Variants in ZDHHC18 observed in about 807,000 individuals in gnomAD.
ZDHHC18 encodes the protein zDHHC palmitoyltransferase 18, also known as palmitoyltransferase ZDHHC18.
ZDHHC18 carries 23 observed loss-of-function variants against 37.5 expected under a neutral mutation model. That is an observed-to-expected ratio of 0.61 (90% CI 0.44 to 0.87). ZDHHC18 has a LOEUF of 0.87. ZDHHC18 is among the 40% of genes least tolerant of loss of function. The pLI, the probability that ZDHHC18 is intolerant of heterozygous loss-of-function variation, is 0.00. For synonymous variants in ZDHHC18, 185 were observed against 218.7 expected (o/e 0.85, Z 1.36); for missense variants, 406 against 525.6 (o/e 0.77, Z 2.22).
Position 26,856,470 on chromosome 1 carries a change from T to C in ZDHHC18, c.*2627T>C, listed in dbSNP as rs1443780762. On this transcript the variant is annotated 3_prime_UTR_variant, in exon 8 of 8. Coordinates refer to ENST00000374142, the MANE Select transcript of ZDHHC18 (RefSeq NM_032283.3). The surrounding 1 kb of genome is among the most constrained non-coding windows in gnomAD (Gnocchi z 5.2). ...GGGCAAGGCTAAAAGCCCAGCCCCATTGTGGACTGAGGAAGTAGCTTCTCG... is the reference window on the plus strand; with the variant it reads ...GGGCAAGGCTAAAAGCCCAGCCCCACTGTGGACTGAGGAAGTAGCTTCTCG... The C allele has an allele frequency of 4.0e-6, 1 of 251,930 alleles. No homozygotes were observed. The highest frequency in any genetic ancestry group is 8.7e-6 in the Non-Finnish European group (1 of 115,012). 15.6% of individuals were successfully genotyped at this position (251,930 alleles called of 1,614,324 possible).
At position 26,856,223 on chromosome 1, in the gene ZDHHC18, C is replaced by A. The variant is rs147621735; in HGVS notation, c.*2380C>A. ...AGGATTTTGCCATCTCCTGCACAGC[C>A]TGAGGGGAGCTAACAGGCCTCTTTG... On this transcript the variant is annotated 3_prime_UTR_variant, in exon 8 of 8. Transcript: ENST00000374142. This position sits in a 1 kb window ranked among gnomAD's most constrained non-coding sequence, Gnocchi z 5.2. 2.2e-6 allele frequency: 1 copy of A among 453,534 alleles called. No homozygotes were observed. The highest frequency in any genetic ancestry group is 7.0e-5 in the East Asian group (1 of 14,264). 28.1% of individuals were successfully genotyped at this position (453,534 alleles called of 1,614,324 possible).
intron 2 of ZDHHC18, among the ~76,000 whole-genome samples, chr1:26,847,519 T>C (rs1215290864): frequency 6.6e-6 from 1 of 152,178 alleles, no homozygotes; most frequent in Non-Finnish European, 1.5e-5. Context: ...GCCTGTTTCG[T>C]AGTTTTTAAT....
intron 2 of ZDHHC18, among the ~76,000 whole-genome samples, chr1:26,837,456 G>T (rs1003705428): frequency 4.8e-4 from 69 of 143,202 alleles, no homozygotes; most frequent in African/African-American, 1.7e-3. Context: ...AATATATTAT[G>T]TATATTATTT....
At chr1:26,847,080 A>T (rs377527799) in intron 2 of ZDHHC18, among the ~76,000 whole-genome samples, 4 of 151,842 alleles carry the variant, frequency 2.6e-5, no homozygotes, top group African/African-American at 9.7e-5. Context: ...TATTTTTAGT[A>T]GAGACGGGGT....
At chr1:26,848,221 A>G (rs931938054) in intron 2 of ZDHHC18, among the ~76,000 whole-genome samples, 1 of 152,030 alleles carries the variant, frequency 6.6e-6, no homozygotes, top group Non-Finnish European at 1.5e-5. Flanking sequence ...CTGAGGCATG[A>G]GAATCGCTTG....
intron 1 of ZDHHC18, among the ~76,000 whole-genome samples, chr1:26,827,902 G>C (rs2081566271): frequency 6.6e-6 from 1 of 152,058 alleles, no homozygotes. Context: ...TGGCCCCCCT[G>C]CTGACCACCT....
intron 2 of ZDHHC18, among the ~76,000 whole-genome samples, chr1:26,840,547 T>G (rs2081632553): frequency 6.7e-6 from 1 of 149,304 alleles, no homozygotes; most frequent in Admixed American, 6.7e-5. Flanking sequence ...TTCAAGCGAT[T>G]CTTCCTGCCT....
chr1:26,828,051 T>G (rs1474346085), intron 1 of ZDHHC18, among the ~76,000 whole-genome samples: 1 of 152,140 alleles, frequency 6.6e-6, no homozygotes, highest in African/African-American at 2.4e-5. Context: ...CCCCTAGGTT[T>G]TTGTCCTCTT....
intron 2 of ZDHHC18, among the ~76,000 whole-genome samples, chr1:26,840,052 C>T (rs1335003565): frequency 6.6e-6 from 1 of 152,222 alleles, no homozygotes; most frequent in Non-Finnish European, 1.5e-5. Flanking sequence ...TACAGAGCTT[C>T]ATTTGCTCTT....
intron 1 of ZDHHC18, 25 bp from the exon 2 acceptor site, chr1:26,832,422 G>A (rs2081592253): frequency 6.2e-7 from 1 of 1,613,254 alleles, no homozygotes; most frequent in Admixed American, 1.7e-5. Flanking sequence ...GGTGTCTGCT[G>A]ATCTCTCTCC....
At chr1:26,839,304 T>A (rs2081627294) in intron 2 of ZDHHC18, among the ~76,000 whole-genome samples, 1 of 152,120 alleles carries the variant, frequency 6.6e-6, no homozygotes, top group Admixed American at 6.5e-5. Flanking sequence ...AGCCCTGGAG[T>A]AGATCTTAGA....
chr1:26,852,784 G>A lies in ZDHHC18; in HGVS notation c.968G>A (p.Gly323Asp), dbSNP rs1570677002. 2 of 1,614,096 alleles carry A rather than the reference G, an allele frequency of 1.2e-6. No individual in the cohort carries two copies. The highest frequency in any genetic ancestry group is 2.2e-5 in the South Asian group (2 of 91,086). Reference protein sequence around the residue: ...IKGSWSSKRGGEASVNPYSHK... With the variant: ...IKGSWSSKRGDEASVNPYSHK... The stretch of plus-strand genomic sequence containing the variant: ...GGCTCGTGGTCCAGCAAGAGGGGCG[G>A]TGAGGCCTCTGTCAACCCCTACAGC... Residue 323 changes from glycine (G) to aspartate (D), a missense_variant, in exon 7 of 8, where the codon GGT becomes GAT. Physicochemically the swap from Gly to Asp is moderately conservative, Grantham distance 94 (BLOSUM62 -1). Transcript: ENST00000374142.
At chr1:26,852,919 C>G in intron 7 of ZDHHC18, 54 bp downstream of exon 7, 1 of 1,548,388 alleles carries the variant, frequency 6.5e-7, no homozygotes, top group Non-Finnish European at 8.9e-7. Flanking sequence ...GGCCAGTGAT[C>G]AAAGTGTTCC....
intron 2 of ZDHHC18, among the ~76,000 whole-genome samples, chr1:26,841,697 G>C (rs12746395): frequency 0.13 from 20,104 of 151,996 alleles, 1,455 homozygotes; most frequent in Non-Finnish European, 0.17. Context: ...CATCCTGGAG[G>C]GTCATGGCAT....
At chr1:26,842,380 T>C (rs1444562992) in intron 2 of ZDHHC18, among the ~76,000 whole-genome samples, 7 of 152,368 alleles carry the variant, frequency 4.6e-5, no homozygotes, top group Non-Finnish European at 4.4e-5. Context: ...GAAGGTGAGT[T>C]ACTATCGTTT....
chr1:26,853,876 T>C lies in ZDHHC18; in HGVS notation c.*33T>C. ...TCAGTACTTGCCACCTGCTGGCCTG[T>C]CTGACCCTCCGCACTCACCTGCCGG... On this transcript the variant is annotated 3_prime_UTR_variant, in exon 8 of 8. Transcript: ENST00000374142. 3.8e-6 allele frequency: 6 copies of C among 1,595,266 alleles called. No homozygotes were observed. The highest frequency in any genetic ancestry group is 5.1e-6 in the Non-Finnish European group (6 of 1,165,736).
chr1:26,831,443 G>A (rs1405016341), intron 1 of ZDHHC18, among the ~76,000 whole-genome samples: 1 of 152,192 alleles, frequency 6.6e-6, no homozygotes, highest in African/African-American at 2.4e-5. Flanking sequence ...GAAAGCAATT[G>A]GGAGGTTTTA....
At chr1:26,851,072 A>G (rs1557645873) in intron 5 of ZDHHC18, 57 bp from the exon 6 acceptor site, 4 of 1,492,948 alleles carry the variant, frequency 2.7e-6, no homozygotes, top group East Asian at 4.5e-5. Flanking sequence ...GAGACAGGCC[A>G]GGTGTGGCTG....
rs116583419 is a variant in ZDHHC18, at chr1:26,838,910, C to T, written c.496+6303C>T. On this transcript the variant is annotated intron_variant, in intron 2 of 7. Coordinates refer to ENST00000374142, the MANE Select transcript of ZDHHC18 (RefSeq NM_032283.3). ...GGGAGGGTTATGGTGACCTAGCACT[C>T]GAGGCCTGGGAGCTGTGGCTGACCT... Among the ~76,000 whole-genome samples the T allele has an allele frequency of 5.1e-3, 776 of 152,356 alleles. 4 individuals are homozygous for T. Among genetic ancestry groups the T allele is most frequent in the African/African-American group, 0.018 (737 of 41,576 alleles).
Sources: allele counts gnomAD v4.1 joint callset (sites outside exome capture counted in the v4.1 genomes callset), GRCh38; gene constraint gnomAD v4.1.1; non-coding constraint Gnocchi (gnomAD v3.1); transcripts MANE v1.5; gene names NCBI Gene and HGNC (gene_info 2026-07-23, HGNC 2026-07-21).